SMURF1: variants seen among roughly 807,000 people sequenced by gnomAD.
SMURF1 encodes the protein E3 ubiquitin-protein ligase SMURF1.
A neutral mutation model predicts 98.0 loss-of-function variants in SMURF1; 44 were observed. That is an observed-to-expected ratio of 0.45 (90% CI 0.35 to 0.58). SMURF1 has a LOEUF of 0.58. Ranked by LOEUF, SMURF1 falls within the 20% of genes least tolerant of loss-of-function variation. SMURF1 has a pLI of 0.00. For synonymous variants in SMURF1, 396 were observed against 374.9 expected (o/e 1.06, Z -0.65); for missense variants, 687 against 938.4 (o/e 0.73, Z 3.50).
intron 1 of SMURF1, among the ~76,000 whole-genome samples, chr7:99,106,026 C>T (rs1797187319): frequency 6.6e-6 from 1 of 152,228 alleles, no homozygotes; most frequent in South Asian, 2.1e-4. Context: ...CACAAACCTT[C>T]CTCAAATCCC....
intron 1 of SMURF1, among the ~76,000 whole-genome samples, chr7:99,078,281 G>GAAAA (rs758770830): frequency 1.9e-5 from 2 of 106,434 alleles, no homozygotes; most frequent in South Asian, 6.0e-4. Flanking sequence ...CAGCCTGGGC[G>GAAAA]AAAAAAAAAA....
intron 1 of SMURF1, among the ~76,000 whole-genome samples, chr7:99,125,018 G>A (rs1197374167): frequency 6.6e-6 from 1 of 152,088 alleles, no homozygotes; most frequent in African/African-American, 2.4e-5. Flanking sequence ...TACTCCACTT[G>A]CCAGACAACC....
intron 1 of SMURF1, among the ~76,000 whole-genome samples, chr7:99,062,509 C>T (rs192846809): frequency 6.6e-6 from 1 of 152,092 alleles, no homozygotes; most frequent in East Asian, 1.9e-4. Flanking sequence ...AAATATGGGG[C>T]CATCATCAGG....
intron 1 of SMURF1, among the ~76,000 whole-genome samples, chr7:99,071,557 G>T (rs117859958): frequency 0.019 from 2,902 of 152,244 alleles, 52 homozygotes; most frequent in Non-Finnish European, 0.028. Flanking sequence ...AGCCCCTGAA[G>T]TAGGAGCTCT....
Position 99,060,693 on chromosome 7 carries a change from A to T in SMURF1, c.109T>A (p.Phe37Ile). The T allele has an allele frequency of 6.2e-7, 1 of 1,613,746 alleles. No individual in the cohort carries two copies. The highest frequency in any genetic ancestry group is 2.2e-5 in the East Asian group (1 of 44,870). Residue 37 changes from phenylalanine to isoleucine, a missense_variant, in exon 3 of 18, where the codon TTT becomes ATT. By Grantham distance (21) the Phe-to-Ile change is conservative. Coordinates refer to ENST00000361368, the MANE Select transcript of SMURF1 (RefSeq NM_181349.3). ...KKDFFRLPDP[F>I]AKIVVDGSGQ... ...GACCCATCCACGACAATCTTTGCAAAAGGGTCAGGGAGCCCTAGAGGAGAG... is the reference window on the plus strand; with the variant it reads ...GACCCATCCACGACAATCTTTGCAATAGGGTCAGGGAGCCCTAGAGGAGAG...
chr7:99,129,763 C>T (rs940070638), intron 1 of SMURF1, among the ~76,000 whole-genome samples: 8 of 152,198 alleles, frequency 5.3e-5, no homozygotes, highest in African/African-American at 1.9e-4. Context: ...TGGCTCCAGC[C>T]GAGCCCTTCA....
intron 17 of SMURF1, chr7:99,032,832 A>T (rs769564873): frequency 2.8e-5 from 21 of 743,656 alleles, no homozygotes; most frequent in Non-Finnish European, 4.6e-5. Flanking sequence ...TCGGGGGGAA[A>T]GTCTCTTGCT....
intron 12 of SMURF1, among the ~76,000 whole-genome samples, chr7:99,041,403 A>C (rs559145549): frequency 6.6e-6 from 1 of 152,196 alleles, no homozygotes; most frequent in South Asian, 2.1e-4. Flanking sequence ...CTCTCTCTCA[A>C]AAAAAAGAAA....
chr7:99,035,875 A>G (rs1424329249), intron 15 of SMURF1, 159 bp from the exon 16 acceptor site: 1 of 713,510 alleles, frequency 1.4e-6, no homozygotes, highest in Non-Finnish European at 2.3e-6. Flanking sequence ...AGCTACAAAC[A>G]GGAGGCCTGT....
At position 99,028,375 on chromosome 7, in the gene SMURF1, C is replaced by T. The variant is rs2138087; in HGVS notation, c.*2209G>A. ...GAAAGGTCTGCGACACTCACACAAC[C>T]GATGACAAGGCGGCAAACCCACACG... is the stretch of plus-strand genomic sequence containing the variant. On this transcript the variant is annotated 3_prime_UTR_variant, in exon 18 of 18. Coordinates refer to ENST00000361368, the MANE Select transcript of SMURF1 (RefSeq NM_181349.3). 15,939 of 152,238 alleles carry T rather than the reference C, an allele frequency of 0.1. 2,735 individuals carry two copies. The highest frequency in any genetic ancestry group is 0.36 in the African/African-American group (15,014 of 41,410). The allele number at this position is 152,238 out of a possible 1,614,324, so 9.4% of individuals were successfully genotyped here. A position where few individuals can be genotyped will look rare whatever the true frequency, so the allele number is the denominator to read the frequency against.
Position 99,144,066 on chromosome 7 carries a change from G to C in SMURF1, c.-286C>G, listed in dbSNP as rs1456241352. Reference sequence around the variant, plus strand: ...CCGCCGCCTCCACCACCTCAGAGCCGGACGCCCGCCGCCCTCGCCGCTTCC... The same window carrying C: ...CCGCCGCCTCCACCACCTCAGAGCCCGACGCCCGCCGCCCTCGCCGCTTCC... On this transcript the variant is annotated 5_prime_UTR_variant, in exon 1 of 18. Transcript: ENST00000361368. 1 of 180,286 alleles carries C rather than the reference G, an allele frequency of 5.5e-6. No homozygotes were observed. Among genetic ancestry groups the C allele is most frequent in the Non-Finnish European group, 1.1e-5 (1 of 87,654 alleles). 11.2% of individuals were successfully genotyped at this position (180,286 alleles called of 1,614,324 possible).
intron 1 of SMURF1, chr7:99,081,266 G>C (rs1796572798): frequency 6.6e-6 from 1 of 152,202 alleles, no homozygotes; most frequent in Non-Finnish European, 1.5e-5. Context: ...CAGCAGTCTG[G>C]GAGACCGAGG....
At chr7:99,095,370 G>A (rs1023066778) in intron 1 of SMURF1, among the ~76,000 whole-genome samples, 10 of 152,112 alleles carry the variant, frequency 6.6e-5, no homozygotes, top group African/African-American at 1.9e-4. Context: ...GTGAGCCACC[G>A]CAGGCGGACT....
chr7:99,054,658 T>G, intron 6 of SMURF1, 132 bp downstream of exon 6: 1 of 759,548 alleles, frequency 1.3e-6, no homozygotes, highest in Non-Finnish European at 2.2e-6. Flanking sequence ...TGGTTCACAG[T>G]TTTATCCCAA....
chr7:99,099,733 G>A (rs1273280970), intron 1 of SMURF1, among the ~76,000 whole-genome samples: 2 of 152,164 alleles, frequency 1.3e-5, no homozygotes, highest in Admixed American at 6.5e-5. Context: ...ATTCCCAAGA[G>A]GGTGGGTTGT....
Position 99,065,789 on chromosome 7 carries a change from T to C in SMURF1, c.56-3952A>G, listed in dbSNP as rs534498611. Among the ~76,000 whole-genome samples the C allele has an allele frequency of 1.9e-3, 287 of 152,308 alleles. 1 individual carries two copies. Among genetic ancestry groups the C allele is most frequent in the African/African-American group, 6.6e-3 (273 of 41,568 alleles). On this transcript the variant is annotated intron_variant, in intron 1 of 17. Transcript: ENST00000361368. ...GAGGCTGGGCGCGGTGGCTTACGCC[T>C]GTAATCCCAGCACTTTGGGAGGCCG...
intron 3 of SMURF1, among the ~76,000 whole-genome samples, chr7:99,059,438 AAAATAAAATAAAAT>A (rs1795977508): frequency 6.7e-6 from 1 of 148,968 alleles, no homozygotes; most frequent in African/African-American, 2.4e-5. Flanking sequence ...AAAATAAAAT[AAAATAAAATAAAAT>A]AAAATAAAAT....
chr7:99,035,891 A>T (rs1004193222), intron 15 of SMURF1, 175 bp from the exon 16 acceptor site: 13 of 652,638 alleles, frequency 2.0e-5, no homozygotes, highest in African/African-American at 3.6e-5. Context: ...CCTGTGGCAC[A>T]TGCTTCCGTC....
At chr7:99,068,141 A>G (rs532593344) in intron 1 of SMURF1, among the ~76,000 whole-genome samples, 18 of 152,280 alleles carry the variant, frequency 1.2e-4, no homozygotes, top group African/African-American at 4.3e-4. Context: ...TGTGTCTCCA[A>G]GTCCTATCAC....
Sources: allele counts gnomAD v4.1 joint callset (sites outside exome capture counted in the v4.1 genomes callset), GRCh38; gene constraint gnomAD v4.1.1; transcripts MANE v1.5; gene names NCBI Gene and HGNC (gene_info 2026-07-23, HGNC 2026-07-21).